Variants in UBASH3B observed in about 807,000 individuals in gnomAD.
The protein encoded by UBASH3B is ubiquitin associated and SH3 domain containing B, also known as ubiquitin-associated and SH3 domain-containing protein B.
Under a neutral mutation model 83.4 loss-of-function variants are expected in UBASH3B, and 37 were observed. The observed-to-expected ratio is 0.44, with a 90% CI of 0.34 to 0.58. The LOEUF is 0.58. Ranked by LOEUF, UBASH3B falls within the 20% of genes least tolerant of loss-of-function variation. The pLI is 0.01. For missense variants in UBASH3B, 657 were observed against 827.2 expected, an observed-to-expected ratio of 0.79 and a Z score of 2.52; for synonymous variants, 304 against 318.3, an observed-to-expected ratio of 0.96 and a Z score of 0.48.
intron 1 of UBASH3B, among the ~76,000 whole-genome samples, chr11:122,697,250 C>T (rs1414581576): frequency 3.9e-5 from 6 of 152,130 alleles, no homozygotes; most frequent in African/African-American, 1.4e-4. Flanking sequence ...GCTTTCCAAT[C>T]GACAAAGTAC....
chr11:122,686,898 A>T (rs1411071994), intron 1 of UBASH3B, among the ~76,000 whole-genome samples: 1 of 151,054 alleles, frequency 6.6e-6, no homozygotes, highest in Non-Finnish European at 1.5e-5. Flanking sequence ...GACAGGGTCT[A>T]GCTCTGTCGC....
chr11:122,693,891 A>C (rs1453646370), intron 1 of UBASH3B, among the ~76,000 whole-genome samples: 3 of 152,160 alleles, frequency 2.0e-5, no homozygotes, highest in Non-Finnish European at 4.4e-5. Flanking sequence ...AAAATAAGAA[A>C]GAAAGAATGA....
Position 122,690,321 on chromosome 11 carries a change from T to A in UBASH3B, c.161+34111T>A, listed in dbSNP as rs191839940. 2.6e-3 allele frequency among the ~76,000 whole-genome samples: 371 copies of A among 141,056 alleles called. 2 individuals carry two copies. The highest frequency in any genetic ancestry group is 9.0e-3 in the African/African-American group (345 of 38,438). 92.5% of individuals were successfully genotyped at this position (141,056 alleles called of 152,430 possible). A position where few individuals can be genotyped will look rare whatever the true frequency, so the allele number is the denominator to read the frequency against. On this transcript the variant is annotated intron_variant, in intron 1 of 13. Coordinates refer to ENST00000284273, the MANE Select transcript of UBASH3B (RefSeq NM_032873.5). ...CCAATTATACATATATATATATATATAATGAGGATTCTATATTATAATACA... is the reference window on the plus strand; with the variant it reads ...CCAATTATACATATATATATATATAAAATGAGGATTCTATATTATAATACA...
chr11:122,796,118 C>T (rs765743462), intron 7 of UBASH3B, 38 bp from the exon 8 acceptor site: 1 of 1,610,088 alleles, frequency 6.2e-7, no homozygotes, highest in South Asian at 1.1e-5. Flanking sequence ...TCCACTTTGC[C>T]ATGTGTGTCT....
chr11:122,774,428 C>T (rs1860698893), intron 1 of UBASH3B, among the ~76,000 whole-genome samples: 1 of 152,220 alleles, frequency 6.6e-6, no homozygotes, highest in South Asian at 2.1e-4. Context: ...TCAGCCATCA[C>T]CCCAGCCAGG....
chr11:122,671,770 A>G (rs142505720), intron 1 of UBASH3B, among the ~76,000 whole-genome samples: 44 of 152,234 alleles, frequency 2.9e-4, no homozygotes, highest in African/African-American at 1.0e-3. Flanking sequence ...GATGGCCTGC[A>G]TTGTGCGTGA....
chr11:122,683,775 G>A (rs1863775899), intron 1 of UBASH3B, among the ~76,000 whole-genome samples: 1 of 22,348 alleles, frequency 4.5e-5, no homozygotes, highest in Non-Finnish European at 3.4e-4. Flanking sequence ...GTGTGTGTGT[G>A]TGAGCCAGGT....
chr11:122,661,325 T>TGCATGAGGAGTTGAGAAGCG (rs1349773554), intron 1 of UBASH3B, among the ~76,000 whole-genome samples: 1 of 152,200 alleles, frequency 6.6e-6, no homozygotes, highest in Non-Finnish European at 1.5e-5. Flanking sequence ...CCAAGTTGGC[T>TGCATGAGGAGTTGAGAAGCG]GCATGAGGAG....
intron 1 of UBASH3B, among the ~76,000 whole-genome samples, chr11:122,692,438 C>A (rs1388204444): frequency 6.6e-6 from 1 of 152,120 alleles, no homozygotes; most frequent in Non-Finnish European, 1.5e-5. Flanking sequence ...ACAAGAAGCT[C>A]ATAATTTACC....
chr11:122,761,996 T>C (rs1861378780), intron 1 of UBASH3B, among the ~76,000 whole-genome samples: 1 of 152,056 alleles, frequency 6.6e-6, no homozygotes, highest in African/African-American at 2.4e-5. Flanking sequence ...TTCACCATGT[T>C]GGCCAGGCTG....
intron 1 of UBASH3B, among the ~76,000 whole-genome samples, chr11:122,681,556 C>T (rs1296065559): frequency 6.6e-6 from 1 of 152,182 alleles, no homozygotes; most frequent in Non-Finnish European, 1.5e-5. Flanking sequence ...CCAAAGAAAG[C>T]CGAGTCCTGG....
chr11:122,656,167 G>C lies in UBASH3B; in HGVS notation c.118G>C (p.Ala40Pro). The change falls in exon 1 of 14, where the codon GCG becomes CCG. Residue 40 changes from alanine (A) to proline (P), a missense_variant. By Grantham distance (27) the Ala-to-Pro change is conservative. Coordinates refer to ENST00000284273, the MANE Select transcript of UBASH3B (RefSeq NM_032873.5). The part of the protein sequence containing the change: ...QRPGTIKHGS[A>P]LDVLLSMGFP... Reference sequence around the variant, plus strand: ...CCCCGGCACCATCAAGCATGGATCGGCGCTGGACGTGCTCCTCTCCATGGG... The same window carrying C: ...CCCCGGCACCATCAAGCATGGATCGCCGCTGGACGTGCTCCTCTCCATGGG... 1 of 1,560,634 alleles carries C rather than the reference G, an allele frequency of 6.4e-7. No individual in the cohort carries two copies. The highest frequency in any genetic ancestry group is 8.7e-7 in the Non-Finnish European group (1 of 1,155,346).
At chr11:122,683,742 ATTGT>A (rs1863774403) in intron 1 of UBASH3B, among the ~76,000 whole-genome samples, 1 of 88,780 alleles carries the variant, frequency 1.1e-5, no homozygotes, top group African/African-American at 3.8e-5. Flanking sequence ...TTAAAAAAAA[ATTGT>A]GTGTGTGTGT....
At chr11:122,659,739 A>T (rs1863411239) in intron 1 of UBASH3B, among the ~76,000 whole-genome samples, 2 of 152,212 alleles carry the variant, frequency 1.3e-5, no homozygotes, top group Admixed American at 1.3e-4. Flanking sequence ...AAGGGGTAAG[A>T]TGGTTGTCTC....
chr11:122,737,566 T>G (rs541102686), intron 1 of UBASH3B, among the ~76,000 whole-genome samples: 1 of 151,728 alleles, frequency 6.6e-6, no homozygotes, highest in African/African-American at 2.4e-5. Flanking sequence ...ACCTTCTACA[T>G]AAACTCCTGA....
At chr11:122,749,245 G>T (rs1378705085) in intron 1 of UBASH3B, among the ~76,000 whole-genome samples, 1 of 152,238 alleles carries the variant, frequency 6.6e-6, no homozygotes, top group African/African-American at 2.4e-5. Context: ...GGGGCTGGCA[G>T]CCTGGAATGT....
intron 4 of UBASH3B, among the ~76,000 whole-genome samples, chr11:122,780,599 G>A (rs532367731): frequency 1.3e-5 from 2 of 152,214 alleles, no homozygotes; most frequent in African/African-American, 2.4e-5. Context: ...GGTTTCTCCC[G>A]GCCAGGCCCT....
chr11:122,719,327 A>G (rs1860583618), intron 1 of UBASH3B, among the ~76,000 whole-genome samples: 4 of 152,242 alleles, frequency 2.6e-5, no homozygotes, highest in Admixed American at 2.6e-4. Flanking sequence ...AAATTTAACC[A>G]GGAAATTTGG....
chr11:122,797,494 T>C (rs1007135638), intron 9 of UBASH3B, among the ~76,000 whole-genome samples: 2 of 152,226 alleles, frequency 1.3e-5, no homozygotes, highest in African/African-American at 4.8e-5. Context: ...TTCAGTCACT[T>C]AGCAGATATT....
Sources: gnomAD v4.1 joint callset for allele counts (sites outside exome capture counted in the v4.1 genomes callset) on GRCh38, gnomAD v4.1.1 for gene constraint, MANE v1.5 for transcripts, NCBI Gene and HGNC (gene_info 2026-07-23, HGNC 2026-07-21) for gene names.